KDM4B: variants seen among roughly 807,000 people sequenced by gnomAD.
The protein encoded by KDM4B is lysine-specific demethylase 4B.
A neutral mutation model predicts 125.2 loss-of-function variants in KDM4B; 32 were observed. The ratio of observed to expected loss-of-function variants is 0.26; its 90% CI spans 0.19 to 0.34. The LOEUF is 0.34. KDM4B is among the 10% of genes least tolerant of loss of function. The pLI is 1.00. For missense variants in KDM4B, 1,190 were observed against 1,577.7 expected, an observed-to-expected ratio of 0.75 and a Z score of 4.16; for synonymous variants, 721 against 677.9, an observed-to-expected ratio of 1.06 and a Z score of -0.99.
At position 5,126,024 on chromosome 19, in the gene KDM4B, C is replaced by T. The variant is rs183973475; in HGVS notation, c.1316-5052C>T. Among the ~76,000 whole-genome samples, 9 of 152,324 alleles carry T rather than the reference C, an allele frequency of 5.9e-5. No individual in the cohort carries two copies. In the East Asian group the frequency reaches 9.6e-4, roughly 16 times the overall value. On this transcript the variant is annotated intron_variant, in intron 11 of 22. Transcript: ENST00000159111. ...AGATTTCCTAAAGCGGTTTCTGGTC[C>T]TCCTTGAATGCCAGTTTCACGCCCC...
intron 8 of KDM4B, chr19:5,077,865 G>A (rs11667898): frequency 0.019 from 4,083 of 216,112 alleles, 56 homozygotes; most frequent in Non-Finnish European, 0.027. Flanking sequence ...GGTTCCTACC[G>A]CCCCAGGCCA....
intron 11 of KDM4B, 40 bp from the exon 12 acceptor site, chr19:5,131,036 C>G: frequency 7.0e-7 from 1 of 1,420,632 alleles, no homozygotes; most frequent in African/African-American, 1.4e-5. Flanking sequence ...GCACTTGAGC[C>G]CGGGTTCTCC....
At chr19:5,022,372 C>T (rs1487484391) in intron 2 of KDM4B, among the ~76,000 whole-genome samples, 6 of 152,146 alleles carry the variant, frequency 3.9e-5, no homozygotes, top group Non-Finnish European at 7.3e-5. Context: ...GACCTCCGCC[C>T]GAGGGCCACC....
chr19:4,983,395 A>T (rs1248725288), intron 1 of KDM4B, among the ~76,000 whole-genome samples: 1 of 152,078 alleles, frequency 6.6e-6, no homozygotes, highest in Non-Finnish European at 1.5e-5. Flanking sequence ...GATGAGACAC[A>T]CCTGACATTC....
intron 7 of KDM4B, among the ~76,000 whole-genome samples, chr19:5,073,721 G>T (rs552849866): frequency 6.6e-6 from 1 of 152,220 alleles, no homozygotes; most frequent in Non-Finnish European, 1.5e-5. Context: ...CTGGAGGGCT[G>T]GTTTGGTTTC....
rs1365487036 is a variant in KDM4B at position 5,082,467 on chromosome 19, C to G, written c.881C>G (p.Thr294Ser). 1 of 1,612,248 alleles carries G rather than the reference C, an allele frequency of 6.2e-7. No homozygotes were observed. Among genetic ancestry groups the G allele is most frequent in the Non-Finnish European group, 8.5e-7 (1 of 1,179,190 alleles). Residue 294 changes from threonine to serine, a missense_variant, in exon 9 of 23, where the codon ACC becomes AGC. Around this residue, in one of 7 missense-constraint regions of KDM4B, gnomAD observed 75 missense variants for 218.2 expected, o/e 0.34. Coordinates refer to ENST00000159111, the MANE Select transcript of KDM4B (RefSeq NM_015015.3). This position sits in a 1 kb window ranked among gnomAD's most constrained non-coding sequence, Gnocchi z 5.4. ...FNCAESTNFA[T>S]LRWIDYGKVA... ...TGCGCAGAATCTACCAACTTCGCCACCCTGCGGTGGATTGACTACGGCAAA... is the reference window on the plus strand; with the variant it reads ...TGCGCAGAATCTACCAACTTCGCCAGCCTGCGGTGGATTGACTACGGCAAA...
chr19:5,151,495 C>A lies in KDM4B; in HGVS notation c.3275C>A (p.Pro1092His). 6.9e-7 allele frequency: 1 copy of A among 1,445,582 alleles called. No homozygotes were observed. Among genetic ancestry groups the A allele is most frequent in the Non-Finnish European group, 9.1e-7 (1 of 1,096,118 alleles). 89.5% of individuals were successfully genotyped at this position (1,445,582 alleles called of 1,614,324 possible). A position where few individuals can be genotyped will look rare whatever the true frequency, so the allele number is the denominator to read the frequency against. ...AGCCTCCTGCAGGTGCAGGGCCGGC[C>A]CGGAGCCCCCTTCTAGGACAGCTGG... Reference protein sequence around the residue: ...VESLLQVQGRPGAPF With the variant: ...VESLLQVQGRHGAPF The change falls in exon 23 of 23, where the codon CCC (proline) becomes CAC (histidine). Residue 1092 changes from proline to histidine, a missense_variant. Physicochemically the swap from Pro to His is moderately conservative, Grantham distance 77. Transcript: ENST00000159111.
chr19:5,052,285 G>T (rs986169566), intron 6 of KDM4B, among the ~76,000 whole-genome samples: 1 of 151,376 alleles, frequency 6.6e-6, no homozygotes, highest in African/African-American at 2.4e-5. Context: ...GGTGTCCCTG[G>T]AGGTGTGCGT....
In KDM4B at chr19:5,070,373, C is replaced by T. The variant is rs148502806; in HGVS notation, c.627-637C>T. Among the ~76,000 whole-genome samples, 865 of 152,314 alleles carry T rather than the reference C, an allele frequency of 5.7e-3. 7 individuals are homozygous for T. The highest frequency in any genetic ancestry group is 0.02 in the African/African-American group (830 of 41,558). Reference sequence around the variant, plus strand: ...CTGGTACGGCATGAGCGGGATGCCACCCCCACTTCGCTTCGTGTGTTTGCA... The same window carrying T: ...CTGGTACGGCATGAGCGGGATGCCATCCCCACTTCGCTTCGTGTGTTTGCA... On this transcript the variant is annotated intron_variant, in intron 6 of 22. Coordinates refer to ENST00000159111, the MANE Select transcript of KDM4B (RefSeq NM_015015.3).
chr19:5,023,848 C>T (rs768664728), intron 2 of KDM4B, among the ~76,000 whole-genome samples: 3 of 143,462 alleles, frequency 2.1e-5, no homozygotes, highest in Admixed American at 7.3e-5. Flanking sequence ...ACTGCAGCCT[C>T]GATCTCCTGT....
chr19:5,089,217 C>T (rs149268301), intron 9 of KDM4B, among the ~76,000 whole-genome samples: 1 of 152,190 alleles, frequency 6.6e-6, no homozygotes, highest in Non-Finnish European at 1.5e-5. Context: ...CATCCTTCCC[C>T]CAGATCAGCT....
At chr19:5,120,836 T>G (rs1489419009) in intron 11 of KDM4B, among the ~76,000 whole-genome samples, 1 of 152,042 alleles carries the variant, frequency 6.6e-6, no homozygotes, top group African/African-American at 2.4e-5. Context: ...CCAGCCTGCC[T>G]CCCACCAAGG....
chr19:5,031,671 A>G (rs2036463804), intron 2 of KDM4B, among the ~76,000 whole-genome samples: 1 of 152,196 alleles, frequency 6.6e-6, no homozygotes, highest in African/African-American at 2.4e-5. Context: ...GGTGGAGGCC[A>G]GGGGGCGACC....
At chr19:5,093,566 AG>A (rs2038755493) in intron 9 of KDM4B, among the ~76,000 whole-genome samples, 1 of 152,204 alleles carries the variant, frequency 6.6e-6, no homozygotes, top group Non-Finnish European at 1.5e-5. Flanking sequence ...CATCAGAAAC[AG>A]GGGGCCCACT....
intron 9 of KDM4B, among the ~76,000 whole-genome samples, chr19:5,090,412 C>CCATA: frequency 1.4e-5 from 1 of 72,502 alleles, no homozygotes; most frequent in Non-Finnish European, 2.7e-5. Flanking sequence ...CTCTCTCCCC[C>CCATA]TCTCCCCCTC....
intron 14 of KDM4B, 128 bp from the exon 15 acceptor site, chr19:5,135,211 C>G (rs1242185396): frequency 6.3e-6 from 4 of 637,024 alleles, no homozygotes; most frequent in African/African-American, 5.5e-5. Context: ...CTGGCCATCT[C>G]CCCGACCTCC....
intron 1 of KDM4B, among the ~76,000 whole-genome samples, chr19:4,977,972 A>G (rs1174678450): frequency 6.6e-6 from 1 of 151,820 alleles, no homozygotes; most frequent in Non-Finnish European, 1.5e-5. Flanking sequence ...GCATCTCCAT[A>G]CTCTCCTAAA....
chr19:5,077,105 G>A (rs996142205), intron 7 of KDM4B: 16 of 517,602 alleles, frequency 3.1e-5, no homozygotes, highest in Non-Finnish European at 2.8e-5. Flanking sequence ...TGGTCACTGC[G>A]CAGAGGCCAG....
rs556000854 is a variant in KDM4B at position 5,005,964 on chromosome 19, G to A, written c.-108-10293G>A. On this transcript the variant is annotated intron_variant, in intron 1 of 22. Coordinates refer to ENST00000159111, the MANE Select transcript of KDM4B (RefSeq NM_015015.3). Reference sequence around the variant, plus strand: ...TCACAAGAGGTGGCTTCTCATCCCAGTGGTCTCGTGCTGCACTTCAGGGCC... The same window carrying A: ...TCACAAGAGGTGGCTTCTCATCCCAATGGTCTCGTGCTGCACTTCAGGGCC... Among the ~76,000 whole-genome samples the A allele has an allele frequency of 2.6e-4, 39 of 152,284 alleles. No individual in the cohort carries two copies. In the South Asian group the frequency reaches 7.9e-3, roughly 31 times the overall value.
Sources: gnomAD v4.1 joint callset for allele counts (sites outside exome capture counted in the v4.1 genomes callset) on GRCh38, gnomAD v4.1.1 for gene constraint, gnomAD v4.1.1 regional missense constraint, Gnocchi (gnomAD v3.1) non-coding constraint, MANE v1.5 for transcripts, NCBI Gene and HGNC (gene_info 2026-07-23, HGNC 2026-07-21) for gene names.